Variants in TMEM123 observed in about 807,000 individuals in gnomAD.
The protein encoded by TMEM123 is porimin.
Under a neutral mutation model 19.7 loss-of-function variants are expected in TMEM123, and 16 were observed. That is an observed-to-expected ratio of 0.81 (90% CI 0.55 to 1.23). The LOEUF (loss-of-function observed/expected upper bound fraction) is 1.23. TMEM123 is among the 50% of genes most tolerant of loss of function. TMEM123 has a pLI of 0.00. For synonymous variants in TMEM123, 118 were observed against 99.4 expected, an observed-to-expected ratio of 1.19 and a Z score of -1.12; for missense variants, 313 against 257.8, an observed-to-expected ratio of 1.21 and a Z score of -1.47.
intron 2 of TMEM123, among the ~76,000 whole-genome samples, chr11:102,431,788 G>GT (rs1319018352): frequency 1.3e-5 from 2 of 152,184 alleles, no homozygotes; most frequent in African/African-American, 2.4e-5. Context: ...ATCCCCATGT[G>GT]TCATGGCAGT....
intron 2 of TMEM123, among the ~76,000 whole-genome samples, chr11:102,423,775 G>A (rs1415480911): frequency 6.6e-6 from 1 of 152,176 alleles, no homozygotes; most frequent in Non-Finnish European, 1.5e-5. Flanking sequence ...TTTTTGTACA[G>A]TCACACCAGC....
rs1202411410 is a variant in TMEM123 at position 102,401,164 on chromosome 11, C to G, written c.602+375G>C. On this transcript the variant is annotated intron_variant, in intron 4 of 4. Coordinates refer to ENST00000398136, the MANE Select transcript of TMEM123 (RefSeq NM_052932.3). ...TGGAAAACAAAAGCCATGGTTTTACCAAGGATGCTATTTAGTACCACAACA... is the reference window on the plus strand; with the variant it reads ...TGGAAAACAAAAGCCATGGTTTTACGAAGGATGCTATTTAGTACCACAACA... Among the ~76,000 whole-genome samples, 9 of 151,808 alleles carry G rather than the reference C, an allele frequency of 5.9e-5. No individual in the cohort carries two copies. In the East Asian group the frequency reaches 1.7e-3, roughly 29 times the overall value.
At chr11:102,408,244 A>T (rs1011363139) in intron 2 of TMEM123, among the ~76,000 whole-genome samples, 1 of 152,232 alleles carries the variant, frequency 6.6e-6, no homozygotes, top group East Asian at 1.9e-4. Flanking sequence ...ACAGTGAAAG[A>T]CGACAAAGAA....
At chr11:102,425,868 G>A (rs370374300) in intron 2 of TMEM123, among the ~76,000 whole-genome samples, 105 of 152,132 alleles carry the variant, frequency 6.9e-4, no homozygotes, top group African/African-American at 2.4e-3. Flanking sequence ...CATTGTGCCC[G>A]GCCCTCGAGA....
chr11:102,406,362 G>C (rs1951955190), intron 2 of TMEM123, among the ~76,000 whole-genome samples: 1 of 152,058 alleles, frequency 6.6e-6, no homozygotes, highest in South Asian at 2.1e-4. Context: ...TGAAGAGCTG[G>C]ACAAGCATCT....
intron 2 of TMEM123, 101 bp downstream of exon 2, chr11:102,448,711 A>C (rs1385491169): frequency 3.8e-5 from 44 of 1,147,998 alleles, no homozygotes; most frequent in Non-Finnish European, 5.3e-5. Context: ...CTCAGGGTTA[A>C]AACAGGTCAG....
chr11:102,437,521 A>G (rs1565354897), intron 2 of TMEM123, among the ~76,000 whole-genome samples: 3 of 152,280 alleles, frequency 2.0e-5, no homozygotes, highest in East Asian at 3.9e-4. Flanking sequence ...CATAGTTCAC[A>G]TCGCAATAAA....
intron 2 of TMEM123, among the ~76,000 whole-genome samples, chr11:102,410,511 C>CA (rs796159138): frequency 0.035 from 3,700 of 105,354 alleles, 57 homozygotes; most frequent in African/African-American, 0.06. Flanking sequence ...CTGTTAGTTA[C>CA]AAAAAAAAAA....
At chr11:102,452,092 A>G (rs976473484) in intron 1 of TMEM123, 3 of 155,566 alleles carry the variant, frequency 1.9e-5, no homozygotes. Context: ...GGACGCTTGA[A>G]AAGCTCCCCG....
At chr11:102,438,011 C>G (rs1857782807) in intron 2 of TMEM123, among the ~76,000 whole-genome samples, 1 of 152,002 alleles carries the variant, frequency 6.6e-6, no homozygotes, top group African/African-American at 2.4e-5. Context: ...TCCACATCAC[C>G]CTCTTTATGC....
rs947577019 is a variant in TMEM123 at position 102,398,133 on chromosome 11, T to G, written c.*734A>C. On this transcript the variant is annotated 3_prime_UTR_variant, in exon 5 of 5. Coordinates refer to ENST00000398136, the MANE Select transcript of TMEM123 (RefSeq NM_052932.3). ...GACAACTAAGTCTTTAAAACATTAT[T>G]ATGTTAAACACTGCAGTTTACCTAA... 17 of 153,462 alleles carry G rather than the reference T, an allele frequency of 1.1e-4. No homozygotes were observed. Among genetic ancestry groups the G allele is most frequent in the African/African-American group, 4.1e-4 (17 of 41,506 alleles). 9.5% of individuals were successfully genotyped at this position (153,462 alleles called of 1,614,324 possible).
Position 102,426,858 on chromosome 11 carries a change from T to TC in TMEM123, c.157+21953_157+21954insG, listed in dbSNP as rs1277837331. Among the ~76,000 whole-genome samples, 16 of 5,584 alleles carry TC rather than the reference T, an allele frequency of 2.9e-3. 2 individuals carry two copies. Among genetic ancestry groups the TC allele is most frequent in the Non-Finnish European group, 6.0e-3 (15 of 2,500 alleles). 3.7% of individuals were successfully genotyped at this position (5,584 alleles called of 152,430 possible). ...TCATGGCTTAATGTTTTTAAAGTAGTTCCCCCCCCCCCCCCATTTATTGCT... is the reference window on the plus strand; with the variant it reads ...TCATGGCTTAATGTTTTTAAAGTAGTCTCCCCCCCCCCCCCCATTTATTGCT... On this transcript the variant is annotated intron_variant, in intron 2 of 4. Coordinates refer to ENST00000398136, the MANE Select transcript of TMEM123 (RefSeq NM_052932.3).
In TMEM123 at chr11:102,446,794, G is replaced by A. The variant is rs565499691; in HGVS notation, c.157+2018C>T. Among the ~76,000 whole-genome samples the A allele has an allele frequency of 7.9e-5, 12 of 152,302 alleles. No individual in the cohort carries two copies. The South Asian group carries it at 2.5e-3, about 32-fold the overall frequency. Reference sequence around the variant, plus strand: ...ACCCAACATTCTAAGGAGTACTGCAGGCAGTCTCCGCTTTTTCCAACAGTA... The same window carrying A: ...ACCCAACATTCTAAGGAGTACTGCAAGCAGTCTCCGCTTTTTCCAACAGTA... On this transcript the variant is annotated intron_variant, in intron 2 of 4. Transcript: ENST00000398136.
At chr11:102,409,881 TAGATA>T (rs1199513056) in intron 2 of TMEM123, among the ~76,000 whole-genome samples, 1 of 141,082 alleles carries the variant, frequency 7.1e-6, no homozygotes, top group African/African-American at 2.7e-5. Context: ...ACAAACAAAC[TAGATA>T]AATCTAGATT....
At chr11:102,428,741 A>C (rs779402570) in intron 2 of TMEM123, among the ~76,000 whole-genome samples, 1 of 152,214 alleles carries the variant, frequency 6.6e-6, no homozygotes, top group Non-Finnish European at 1.5e-5. Flanking sequence ...GATCCTCAGG[A>C]AATGATCCAT....
intron 1 of TMEM123, among the ~76,000 whole-genome samples, chr11:102,451,545 C>T (rs1857939064): frequency 6.6e-6 from 1 of 152,196 alleles, no homozygotes; most frequent in African/African-American, 2.4e-5. Flanking sequence ...GAACCTAAGG[C>T]TAACATATAC....
At chr11:102,446,486 A>G (rs1335701347) in intron 2 of TMEM123, among the ~76,000 whole-genome samples, 1 of 152,244 alleles carries the variant, frequency 6.6e-6, no homozygotes, top group South Asian at 2.1e-4. Context: ...CAGCTGTAAT[A>G]ATGTATAGGA....
intron 2 of TMEM123, among the ~76,000 whole-genome samples, chr11:102,436,170 T>C (rs1857760453): frequency 6.6e-6 from 1 of 151,770 alleles, no homozygotes; most frequent in East Asian, 1.9e-4. Flanking sequence ...ATTTTTTATT[T>C]ATTTTATTTT....
intron 2 of TMEM123, among the ~76,000 whole-genome samples, chr11:102,419,040 G>A (rs1430038172): frequency 6.6e-6 from 1 of 152,056 alleles, no homozygotes; most frequent in Non-Finnish European, 1.5e-5. Flanking sequence ...GGATGAGGAT[G>A]GAAAAACTAC....
Sources: allele counts gnomAD v4.1 joint callset (sites outside exome capture counted in the v4.1 genomes callset), GRCh38; gene constraint gnomAD v4.1.1; transcripts MANE v1.5; gene names NCBI Gene and HGNC (gene_info 2026-07-23, HGNC 2026-07-21).